ARMC8: variants seen among roughly 807,000 people sequenced by gnomAD.
The protein encoded by ARMC8 is armadillo repeat containing 8.
In ARMC8, 20 loss-of-function variants were observed where a neutral mutation model predicts 99.3. The ratio of observed to expected loss-of-function variants is 0.20; its 90% CI spans 0.14 to 0.29. ARMC8 has a LOEUF of 0.29. Ranked by LOEUF, ARMC8 falls within the 10% of genes least tolerant of loss-of-function variation. ARMC8 has a pLI of 1.00. For missense variants in ARMC8, 569 were observed against 809.5 expected, an observed-to-expected ratio of 0.70 and a Z score of 3.60; for synonymous variants, 263 against 278.3, an observed-to-expected ratio of 0.95 and a Z score of 0.55.
chr3:138,209,357 T>C (rs1406212940), intron 1 of ARMC8, among the ~76,000 whole-genome samples: 1 of 152,248 alleles, frequency 6.6e-6, no homozygotes, highest in African/African-American at 2.4e-5. Flanking sequence ...CTTTCTTTTC[T>C]GTCTTACTGT....
intron 17 of ARMC8, 75 bp downstream of exon 17, chr3:138,273,191 C>A: frequency 1.4e-6 from 2 of 1,410,408 alleles, no homozygotes; most frequent in Non-Finnish European, 1.9e-6. Context: ...TCTCTCTGTG[C>A]TCTCATTAAC....
At chr3:138,272,832 A>T in intron 16 of ARMC8, 135 bp from the exon 17 acceptor site, 1 of 725,446 alleles carries the variant, frequency 1.4e-6, no homozygotes, top group Non-Finnish European at 2.0e-6. Flanking sequence ...TTATTGTGCC[A>T]CTGCACACCA....
At chr3:138,202,345 AAAC>A (rs1442001303) in intron 1 of ARMC8, among the ~76,000 whole-genome samples, 1 of 152,222 alleles carries the variant, frequency 6.6e-6, no homozygotes, top group Non-Finnish European at 1.5e-5. Context: ...AGAACATACT[AAAC>A]AAGTATATTT....
intron 1 of ARMC8, among the ~76,000 whole-genome samples, chr3:138,189,939 C>T (rs988611370): frequency 6.6e-6 from 1 of 152,156 alleles, no homozygotes; most frequent in Non-Finnish European, 1.5e-5. Context: ...ACTGTTAAAC[C>T]TCCTGAATAA....
chr3:138,201,667 G>A (rs2044091110), intron 1 of ARMC8, among the ~76,000 whole-genome samples: 2 of 151,694 alleles, frequency 1.3e-5, no homozygotes, highest in African/African-American at 4.8e-5. Context: ...CACCATGTTG[G>A]TCAGGTTGGT....
intron 12 of ARMC8, among the ~76,000 whole-genome samples, chr3:138,248,813 A>G (rs927177986): frequency 6.6e-6 from 1 of 152,244 alleles, no homozygotes; most frequent in Non-Finnish European, 1.5e-5. Flanking sequence ...TTAAAATTCA[A>G]GGAAATTGGT....
At position 138,187,397 on chromosome 3, in the gene ARMC8, G is replaced by A. The variant is rs1431114363; in HGVS notation, c.-158G>A. 4.5e-6 allele frequency: 3 copies of A among 659,882 alleles called. No individual in the cohort carries two copies. The highest frequency in any genetic ancestry group is 7.7e-6 in the Non-Finnish European group (3 of 387,246). 40.9% of individuals were successfully genotyped at this position (659,882 alleles called of 1,614,324 possible). On this transcript the variant is annotated 5_prime_UTR_variant, in exon 1 of 22. Coordinates refer to ENST00000469044, the MANE Select transcript of ARMC8 (RefSeq NM_001363941.2). Reference sequence around the variant, plus strand: ...GCCATTCCCTTTTGCCCTTCTTTCTGCGGGCCTTTCCGGTACTTGAGCGGT... The same window carrying A: ...GCCATTCCCTTTTGCCCTTCTTTCTACGGGCCTTTCCGGTACTTGAGCGGT...
chr3:138,229,352 A>G (rs1328995053), intron 6 of ARMC8, among the ~76,000 whole-genome samples: 2 of 139,848 alleles, frequency 1.4e-5, no homozygotes, highest in Non-Finnish European at 3.1e-5. Flanking sequence ...TTTTTTTTTT[A>G]ACAGTGCATA....
intron 2 of ARMC8, 34 bp downstream of exon 2, chr3:138,209,927 G>T: frequency 1.3e-6 from 2 of 1,551,612 alleles, no homozygotes; most frequent in Non-Finnish European, 1.8e-6. Context: ...CTATCAAAAA[G>T]TTGTTTGTTT....
At chr3:138,193,096 G>A (rs1576565387) in intron 1 of ARMC8, among the ~76,000 whole-genome samples, 1 of 151,746 alleles carries the variant, frequency 6.6e-6, no homozygotes, top group African/African-American at 2.4e-5. Context: ...AGCCTCCCAG[G>A]TAGCTGGGAT....
At chr3:138,248,874 A>G (rs555405588) in intron 12 of ARMC8, among the ~76,000 whole-genome samples, 2 of 152,350 alleles carry the variant, frequency 1.3e-5, no homozygotes, top group African/African-American at 2.4e-5. Context: ...ACACATTGCA[A>G]ATGTTAAGTA....
chr3:138,190,688 C>A (rs938439146), intron 1 of ARMC8, among the ~76,000 whole-genome samples: 1 of 152,138 alleles, frequency 6.6e-6, no homozygotes, highest in Non-Finnish European at 1.5e-5. Flanking sequence ...AAATCTTATT[C>A]TTCTTACTCA....
intron 1 of ARMC8, among the ~76,000 whole-genome samples, chr3:138,208,509 A>G (rs1048579025): frequency 6.6e-6 from 1 of 152,240 alleles, no homozygotes; most frequent in Non-Finnish European, 1.5e-5. Context: ...AGTTAACTAT[A>G]TTATCAGAAA....
chr3:138,207,723 A>C (rs1315883756), intron 1 of ARMC8, among the ~76,000 whole-genome samples: 1 of 152,150 alleles, frequency 6.6e-6, no homozygotes, highest in Non-Finnish European at 1.5e-5. Context: ...TCGTACAGTT[A>C]TTTGTGTCCT....
intron 6 of ARMC8, 95 bp from the exon 7 acceptor site, chr3:138,234,939 T>C: frequency 1.0e-6 from 1 of 955,508 alleles, no homozygotes; most frequent in Admixed American, 2.0e-5. Context: ...TTCTGTACTG[T>C]AGTGAATGTG....
intron 12 of ARMC8, among the ~76,000 whole-genome samples, chr3:138,249,574 A>G (rs1439993681): frequency 1.3e-5 from 2 of 151,984 alleles, no homozygotes; most frequent in Non-Finnish European, 2.9e-5. Flanking sequence ...TAAAAGTATG[A>G]TTTGGTTTAT....
chr3:138,271,869 C>T (rs1045394265), intron 16 of ARMC8, among the ~76,000 whole-genome samples: 2 of 149,546 alleles, frequency 1.3e-5, no homozygotes, highest in Non-Finnish European at 2.9e-5. Context: ...AATCTCAGCT[C>T]ACTGCAACCT....
chr3:138,244,663 TGC>T (rs2046797958), intron 11 of ARMC8, among the ~76,000 whole-genome samples: 1 of 152,214 alleles, frequency 6.6e-6, no homozygotes, highest in African/African-American at 2.4e-5. Flanking sequence ...AAGACATTGT[TGC>T]GATTTCATTC....
chr3:138,232,325 A>G (rs2046094312), intron 6 of ARMC8, among the ~76,000 whole-genome samples: 1 of 152,130 alleles, frequency 6.6e-6, no homozygotes, highest in South Asian at 2.1e-4. Context: ...GAGAGGAGGA[A>G]GAACTTCTTT....
Sources: allele counts gnomAD v4.1 joint callset (sites outside exome capture counted in the v4.1 genomes callset), GRCh38; gene constraint gnomAD v4.1.1; transcripts MANE v1.5; gene names NCBI Gene and HGNC (gene_info 2026-07-23, HGNC 2026-07-21).